Variants in MAST4 observed in about 807,000 individuals in gnomAD.
The protein encoded by MAST4 is microtubule associated serine/threonine kinase family member 4.
Under a neutral mutation model 162.7 loss-of-function variants are expected in MAST4, and 89 were observed. The observed-to-expected ratio is 0.55, with a 90% CI of 0.46 to 0.65. The LOEUF is 0.65. Among genes scored for constraint, MAST4 ranks in the 30% least tolerant of loss-of-function variants. MAST4 has a pLI of 0.00. For synonymous variants in MAST4, 1,479 were observed against 1,361.1 expected, an observed-to-expected ratio of 1.09 and a Z score of -1.91; for missense variants, 3,153 against 3,374.0, an observed-to-expected ratio of 0.93 and a Z score of 1.62.
intron 12 of MAST4, among the ~76,000 whole-genome samples, chr5:67,117,554 A>G (rs966071248): frequency 6.6e-6 from 1 of 151,670 alleles, no homozygotes; most frequent in African/African-American, 2.4e-5. Context: ...GTTTTTTAAA[A>G]TTGAAAATTT....
At chr5:66,832,563 T>C (rs1757685411) in intron 3 of MAST4, among the ~76,000 whole-genome samples, 1 of 152,198 alleles carries the variant, frequency 6.6e-6, no homozygotes, top group Non-Finnish European at 1.5e-5. Flanking sequence ...AGATAGATTC[T>C]TATGTTCTAA....
At chr5:66,702,205 C>T (rs1282376070) in intron 1 of MAST4, among the ~76,000 whole-genome samples, 2 of 152,148 alleles carry the variant, frequency 1.3e-5, no homozygotes, top group African/African-American at 4.8e-5. Context: ...GGGTAACTGC[C>T]TTATGCAGAG....
chr5:66,878,330 C>T (rs1419797289), intron 3 of MAST4, among the ~76,000 whole-genome samples: 1 of 152,180 alleles, frequency 6.6e-6, no homozygotes, highest in East Asian at 1.9e-4. Flanking sequence ...TAATGTTTTC[C>T]CATATTTCAA....
At chr5:66,630,926 A>G (rs1744755373) in intron 1 of MAST4, among the ~76,000 whole-genome samples, 1 of 152,222 alleles carries the variant, frequency 6.6e-6, no homozygotes. Flanking sequence ...GCAATTGGGA[A>G]GGCTGCTGTT....
At chr5:66,668,754 T>C (rs1056114581) in intron 1 of MAST4, among the ~76,000 whole-genome samples, 2 of 152,248 alleles carry the variant, frequency 1.3e-5, no homozygotes, top group Non-Finnish European at 2.9e-5. Flanking sequence ...CATCAGACTT[T>C]CTCAAGAGAA....
intron 1 of MAST4, among the ~76,000 whole-genome samples, chr5:66,708,864 A>G (rs1291767175): frequency 6.6e-6 from 1 of 152,156 alleles, no homozygotes; most frequent in Non-Finnish European, 1.5e-5. Context: ...ATGATCGGGG[A>G]AAAAAAGCAT....
At chr5:66,813,770 G>C (rs1481220563) in intron 3 of MAST4, among the ~76,000 whole-genome samples, 2 of 152,214 alleles carry the variant, frequency 1.3e-5, no homozygotes, top group African/African-American at 4.8e-5. Flanking sequence ...TTTTATTTCT[G>C]ACAGCTTGAA....
intron 3 of MAST4, among the ~76,000 whole-genome samples, chr5:66,860,605 T>C (rs926520672): frequency 5.9e-5 from 8 of 136,690 alleles, no homozygotes; most frequent in Non-Finnish European, 1.1e-4. Flanking sequence ...AGATCACCTT[T>C]TTCGTTTTTT....
intron 4 of MAST4, among the ~76,000 whole-genome samples, chr5:66,931,906 G>A (rs1742237671): frequency 6.6e-6 from 1 of 152,114 alleles, no homozygotes; most frequent in African/African-American, 2.4e-5. Context: ...CATGGAAGGA[G>A]CCCTGAAACC....
chr5:67,166,738 C>G lies in MAST4; in HGVS notation c.7559C>G (p.Ser2520Cys). 1 of 1,591,462 alleles carries G rather than the reference C, an allele frequency of 6.3e-7. No individual in the cohort carries two copies. The highest frequency in any genetic ancestry group is 8.6e-7 in the Non-Finnish European group (1 of 1,169,356). ...CGAACCCACATGACAAAGAGTGACTCCCTGCCCTCCTTCCGGGTCTCCACC... is the reference window on the plus strand; with the variant it reads ...CGAACCCACATGACAAAGAGTGACTGCCTGCCCTCCTTCCGGGTCTCCACC... The part of the protein sequence containing the change: ...EGRTHMTKSD[S>C]LPSFRVSTLP... Residue 2520 changes from serine (S) to cysteine (C), a missense_variant, in exon 29 of 29, where the codon TCC (serine) becomes TGC (cysteine). Ser to Cys is a moderately radical substitution (Grantham distance 112). Around this residue, in one of 7 missense-constraint regions of MAST4, gnomAD observed 1,644 missense variants for 1,495.0 expected, o/e 1.10. Coordinates refer to ENST00000403625, the MANE Select transcript of MAST4 (RefSeq NM_001164664.2).
At chr5:67,010,488 C>A (rs1329021752) in intron 4 of MAST4, among the ~76,000 whole-genome samples, 1 of 152,048 alleles carries the variant, frequency 6.6e-6, no homozygotes, top group Non-Finnish European at 1.5e-5. Flanking sequence ...AAGAAAGAGC[C>A]CCCTAGGCAG....
intron 1 of MAST4, among the ~76,000 whole-genome samples, chr5:66,757,081 C>A (rs1030527441): frequency 6.6e-6 from 1 of 152,106 alleles, no homozygotes; most frequent in African/African-American, 2.4e-5. Context: ...TCTTTTATGG[C>A]TTTCCTATTT....
intron 4 of MAST4, among the ~76,000 whole-genome samples, chr5:67,018,784 TTACAAG>T (rs1370750230): frequency 1.3e-5 from 2 of 152,228 alleles, no homozygotes; most frequent in Non-Finnish European, 2.9e-5. Context: ...AAAAGATAAA[TTACAAG>T]TACCTTATTT....
chr5:67,087,018 T>C (rs140756112), intron 5 of MAST4, among the ~76,000 whole-genome samples: 3 of 152,308 alleles, frequency 2.0e-5, no homozygotes, highest in African/African-American at 7.2e-5. Flanking sequence ...GAACAAAGAC[T>C]TCAGAGATTG....
intron 1 of MAST4, among the ~76,000 whole-genome samples, chr5:66,640,813 T>C (rs1409887505): frequency 6.6e-6 from 1 of 152,214 alleles, no homozygotes; most frequent in Non-Finnish European, 1.5e-5. Flanking sequence ...CTCATACTGT[T>C]TTTCATAATG....
intron 3 of MAST4, among the ~76,000 whole-genome samples, chr5:66,832,429 C>T (rs1467694478): frequency 2.6e-5 from 4 of 152,048 alleles, no homozygotes; most frequent in Non-Finnish European, 4.4e-5. Context: ...CACCCCCCAC[C>T]CCTGTCCCCT....
At chr5:67,109,982 C>A in intron 10 of MAST4, 116 bp from the exon 11 acceptor site, 1 of 702,802 alleles carries the variant, frequency 1.4e-6, no homozygotes, top group Non-Finnish European at 2.5e-6. Context: ...ATAGCATTTT[C>A]TAAATTACTC....
At chr5:66,735,490 AAG>A (rs1471265434) in intron 1 of MAST4, among the ~76,000 whole-genome samples, 1 of 152,208 alleles carries the variant, frequency 6.6e-6, no homozygotes, top group Non-Finnish European at 1.5e-5. Flanking sequence ...AACTACTTGG[AAG>A]AGAGGCTAGG....
At chr5:67,085,671 A>G (rs367856517) in intron 5 of MAST4, among the ~76,000 whole-genome samples, 19 of 152,316 alleles carry the variant, frequency 1.2e-4, no homozygotes, top group East Asian at 7.7e-4. Flanking sequence ...ACACTTGACA[A>G]CTTACCCAGA....
Sources: allele counts gnomAD v4.1 joint callset (sites outside exome capture counted in the v4.1 genomes callset), GRCh38; gene constraint gnomAD v4.1.1; regional missense constraint gnomAD v4.1.1; transcripts MANE v1.5; gene names NCBI Gene and HGNC (gene_info 2026-07-23, HGNC 2026-07-21).